NAALADL2: variants seen among roughly 807,000 people sequenced by gnomAD.
The protein encoded by NAALADL2 is N-acetylated alpha-linked acidic dipeptidase like 2.
Under a neutral mutation model 87.2 loss-of-function variants are expected in NAALADL2, and 76 were observed. The ratio of observed to expected loss-of-function variants is 0.87; its 90% CI spans 0.72 to 1.05. The LOEUF is 1.05. Ranked by LOEUF, NAALADL2 falls within the 50% of genes least tolerant of loss-of-function variation. The pLI is 0.00. For synonymous variants in NAALADL2, 354 were observed against 331.0 expected (o/e 1.07, Z -0.75); for missense variants, 1,089 against 945.8 (o/e 1.15, Z -1.99).
At chr3:175,698,385 A>ATG (rs1560995098) in intron 11 of NAALADL2, among the ~76,000 whole-genome samples, 2 of 99,760 alleles carry the variant, frequency 2.0e-5, no homozygotes, top group African/African-American at 5.0e-5. Flanking sequence ...GTATTTATGT[A>ATG]TGTATACATA....
intron 1 of NAALADL2, among the ~76,000 whole-genome samples, chr3:174,888,371 T>C (rs1373557741): frequency 6.6e-6 from 1 of 152,230 alleles, no homozygotes; most frequent in Non-Finnish European, 1.5e-5. Flanking sequence ...TTGATCAATA[T>C]AAGACAGGAA....
intron 5 of NAALADL2, among the ~76,000 whole-genome samples, chr3:175,440,478 A>G (rs1442736106): frequency 6.6e-6 from 1 of 152,080 alleles, no homozygotes; most frequent in Non-Finnish European, 1.5e-5. Flanking sequence ...TTTTGGCAGT[A>G]TGATCATTTT....
chr3:175,795,636 T>C (rs999991294), intron 13 of NAALADL2, among the ~76,000 whole-genome samples: 5 of 151,796 alleles, frequency 3.3e-5, no homozygotes, highest in African/African-American at 1.2e-4. Flanking sequence ...TGAGCAGAGA[T>C]TGTGCCACTG....
intron 1 of NAALADL2, among the ~76,000 whole-genome samples, chr3:175,016,065 T>G (rs1293381508): frequency 6.6e-6 from 1 of 151,672 alleles, no homozygotes; most frequent in Non-Finnish European, 1.5e-5. Flanking sequence ...ACATTGATAT[T>G]CTGAATAGTA....
chr3:175,440,646 A>G (rs551277677), intron 5 of NAALADL2, among the ~76,000 whole-genome samples: 22 of 152,116 alleles, frequency 1.4e-4, no homozygotes, highest in Admixed American at 7.9e-4. Flanking sequence ...TTTCGCAGCT[A>G]TTGTAAAGGG....
chr3:174,668,960 G>A (rs1726247703), intron 2 of NAALADL2, among the ~76,000 whole-genome samples: 1 of 152,114 alleles, frequency 6.6e-6, no homozygotes, highest in African/African-American at 2.4e-5. Context: ...GAGTCAAATG[G>A]TATTTCTAGT....
intron 3 of NAALADL2, among the ~76,000 whole-genome samples, chr3:174,835,935 C>T (rs1031354337): frequency 2.0e-5 from 3 of 152,122 alleles, no homozygotes; most frequent in Admixed American, 6.5e-5. Context: ...TTACAGAAAA[C>T]GGTATGGTGG....
chr3:175,474,201 T>C (rs890971442), intron 9 of NAALADL2, among the ~76,000 whole-genome samples: 14 of 152,298 alleles, frequency 9.2e-5, no homozygotes, highest in African/African-American at 3.1e-4. Context: ...CAAGACTGTA[T>C]AGAATATCTA....
At chr3:175,279,643 A>G (rs565121685) in intron 4 of NAALADL2, among the ~76,000 whole-genome samples, 9 of 151,980 alleles carry the variant, frequency 5.9e-5, no homozygotes, top group Admixed American at 2.0e-4. Flanking sequence ...GGCAGTAGAT[A>G]TTACATACTA....
intron 1 of NAALADL2, among the ~76,000 whole-genome samples, chr3:174,882,587 A>ATG (rs1476329280): frequency 2.2e-5 from 3 of 137,424 alleles, no homozygotes; most frequent in Non-Finnish European, 4.5e-5. Context: ...TTATACACAT[A>ATG]TGTGTATATA....
At chr3:174,801,781 A>G (rs952782267) in intron 3 of NAALADL2, among the ~76,000 whole-genome samples, 4 of 138,006 alleles carry the variant, frequency 2.9e-5, no homozygotes, top group Admixed American at 2.1e-4. Flanking sequence ...ATATTTTAAT[A>G]TGATATATAT....
At chr3:174,597,440 G>A (rs905953492) in intron 2 of NAALADL2, among the ~76,000 whole-genome samples, 16 of 152,172 alleles carry the variant, frequency 1.1e-4, no homozygotes, top group African/African-American at 3.9e-4. Flanking sequence ...GGGAATGCTT[G>A]GAACTCTCCT....
chr3:174,454,013 CA>C (rs1715657984), intron 1 of NAALADL2, among the ~76,000 whole-genome samples: 2 of 152,114 alleles, frequency 1.3e-5, no homozygotes, highest in Non-Finnish European at 2.9e-5. Context: ...AGACCTATCT[CA>C]AATGCAATGA....
At chr3:175,209,627 C>T (rs1741464261) in intron 2 of NAALADL2, among the ~76,000 whole-genome samples, 1 of 151,830 alleles carries the variant, frequency 6.6e-6, no homozygotes, top group South Asian at 2.1e-4. Context: ...AGATTAAGTA[C>T]ACATAAATAG....
intron 1 of NAALADL2, among the ~76,000 whole-genome samples, chr3:175,050,848 C>G (rs1755291195): frequency 6.6e-6 from 1 of 152,056 alleles, no homozygotes; most frequent in African/African-American, 2.4e-5. Context: ...AGCTTCAAAA[C>G]TATGTCAGCA....
At chr3:175,327,505 C>A (rs2110468899) in intron 5 of NAALADL2, among the ~76,000 whole-genome samples, 1 of 152,192 alleles carries the variant, frequency 6.6e-6, no homozygotes, top group East Asian at 1.9e-4. Context: ...TACGTTCCCA[C>A]AACACCAGTA....
intron 1 of NAALADL2, among the ~76,000 whole-genome samples, chr3:174,927,561 A>G (rs548964346): frequency 7.9e-5 from 12 of 152,190 alleles, no homozygotes; most frequent in African/African-American, 1.4e-4. Flanking sequence ...AACTTACTCA[A>G]AACTACTCAA....
intron 3 of NAALADL2, among the ~76,000 whole-genome samples, chr3:174,743,716 A>T (rs1733975857): frequency 6.6e-6 from 1 of 151,864 alleles, no homozygotes; most frequent in African/African-American, 2.4e-5. Context: ...TCATACTTTG[A>T]AAGTCAATTA....
intron 1 of NAALADL2, among the ~76,000 whole-genome samples, chr3:174,480,076 G>C (rs370443091): frequency 6.6e-6 from 1 of 152,030 alleles, no homozygotes. Flanking sequence ...AGAAATAAAG[G>C]CGTGTGGCTT....
Sources: allele counts gnomAD v4.1 joint callset (sites outside exome capture counted in the v4.1 genomes callset), GRCh38; gene constraint gnomAD v4.1.1; transcripts MANE v1.5; gene names NCBI Gene and HGNC (gene_info 2026-07-23, HGNC 2026-07-21).